The following TULP4 variants were observed in gnomAD, a reference collection of about 807,000 sequenced individuals.
The protein encoded by TULP4 is TUB like protein 4.
Under a neutral mutation model 129.0 loss-of-function variants are expected in TULP4, and 16 were observed. The observed-to-expected ratio is 0.12, with a 90% CI of 0.08 to 0.19. The LOEUF is 0.19. Among genes scored for constraint, TULP4 ranks in the 10% least tolerant of loss-of-function variants. TULP4 has a pLI of 1.00. For missense variants in TULP4, 1,842 were observed against 2,059.1 expected, an observed-to-expected ratio of 0.89 and a Z score of 2.04; for synonymous variants, 998 against 854.0, an observed-to-expected ratio of 1.17 and a Z score of -2.94.
At chr6:158,463,798 A>G (rs1779497419) in intron 6 of TULP4, among the ~76,000 whole-genome samples, 1 of 151,568 alleles carries the variant, frequency 6.6e-6, no homozygotes, top group African/African-American at 2.4e-5. Context: ...CAGGCATTAA[A>G]TATTTAAATA....
chr6:158,239,628 C>T (rs1248962939), intron 1 of TULP4, among the ~76,000 whole-genome samples: 11 of 63,920 alleles, frequency 1.7e-4, no homozygotes, highest in Admixed American at 3.1e-4. Flanking sequence ...GGCGGCTGGC[C>T]GGGTGGGGGG....
At chr6:158,310,667 C>T (rs1232468292), upstream of TULP4, among the ~76,000 whole-genome samples, 1 of 152,100 alleles carries the variant, frequency 6.6e-6, no homozygotes, top group Non-Finnish European at 1.5e-5. Flanking sequence ...CCAGGCCCCA[C>T]CTCTAACACT....
chr6:158,501,475 A>G (rs1562593226), intron 12 of TULP4, among the ~76,000 whole-genome samples: 1 of 152,178 alleles, frequency 6.6e-6, no homozygotes, highest in Non-Finnish European at 1.5e-5. Flanking sequence ...ACCCTTAGCT[A>G]ACAGACAGCA....
chr6:158,328,159 T>TA (rs1286594490), intron 1 of TULP4, among the ~76,000 whole-genome samples: 1 of 148,518 alleles, frequency 6.7e-6, no homozygotes, highest in East Asian at 2.1e-4. Flanking sequence ...TAGACCTAGT[T>TA]ATATGAAAGT....
chr6:158,489,795 G>A (rs1025779791), intron 9 of TULP4, 63 bp downstream of exon 9: 1 of 1,593,130 alleles, frequency 6.3e-7, no homozygotes, highest in Non-Finnish European at 8.6e-7. Context: ...GTTTGTGCCT[G>A]CAACAGAATC....
chr6:158,398,482 C>T (rs976547732), intron 1 of TULP4: 5 of 152,202 alleles, frequency 3.3e-5, no homozygotes, highest in African/African-American at 1.2e-4. Flanking sequence ...AGGAGTGAGC[C>T]CTATGAGGAA....
At chr6:158,381,722 TAAG>T (rs968556586) in intron 1 of TULP4, among the ~76,000 whole-genome samples, 16 of 152,236 alleles carry the variant, frequency 1.1e-4, no homozygotes, top group African/African-American at 3.6e-4. Flanking sequence ...GCTACCTAGC[TAAG>T]AAGACCAATT....
chr6:158,475,173 G>T lies in TULP4; in HGVS notation c.1027-4578G>T, dbSNP rs528867509. Among the ~76,000 whole-genome samples the T allele has an allele frequency of 1.5e-3, 228 of 152,368 alleles. 1 individual carries two copies. Among genetic ancestry groups the T allele is most frequent in the African/African-American group, 5.3e-3 (221 of 41,592 alleles). ...ACACTCCCTGGTGGGAGGTGAGGCA[G>T]GGCTGGCCCGCATCTTTTCCTTTCC... On this transcript the variant is annotated intron_variant, in intron 6 of 13. Transcript: ENST00000367097.
In TULP4 at chr6:158,511,064, G is replaced by A. The variant is rs1348110671; in HGVS notation, c.*4370G>A. 1 of 152,572 alleles carries A rather than the reference G, an allele frequency of 6.6e-6. No individual in the cohort carries two copies. The highest frequency in any genetic ancestry group is 1.5e-5 in the Non-Finnish European group (1 of 68,032). The allele number at this position is 152,572 out of a possible 1,614,324, so 9.5% of individuals were successfully genotyped here. Reference sequence around the variant, plus strand: ...GCATTTGTGTGATTCCTTACCTCTGGCTGATAAAACTCTAATGGGTTGTGG... The same window carrying A: ...GCATTTGTGTGATTCCTTACCTCTGACTGATAAAACTCTAATGGGTTGTGG... On this transcript the variant is annotated 3_prime_UTR_variant, in exon 14 of 14. Coordinates refer to ENST00000367097, the MANE Select transcript of TULP4 (RefSeq NM_020245.5).
intron 3 of TULP4, among the ~76,000 whole-genome samples, chr6:158,439,446 A>G (rs1778831612): frequency 6.6e-6 from 1 of 151,546 alleles, no homozygotes; most frequent in South Asian, 2.1e-4. Flanking sequence ...TTCCTCCCTA[A>G]GCAGTTCTCA....
At chr6:158,425,513 CAA>C (rs35469800) in intron 2 of TULP4, among the ~76,000 whole-genome samples, 692 of 61,792 alleles carry the variant, frequency 0.011, 1 homozygote, top group Non-Finnish European at 0.013. Context: ...AACTCCGTCT[CAA>C]AAAAAAAAAA....
chr6:158,369,930 A>G (rs896009878), intron 1 of TULP4, among the ~76,000 whole-genome samples: 2 of 152,172 alleles, frequency 1.3e-5, no homozygotes, highest in African/African-American at 4.8e-5. Flanking sequence ...GCTCAAGCCT[A>G]TAATTCCAGC....
intron 1 of TULP4, among the ~76,000 whole-genome samples, chr6:158,350,523 G>C (rs1780488223): frequency 6.6e-6 from 1 of 152,184 alleles, no homozygotes; most frequent in Non-Finnish European, 1.5e-5. Context: ...CCAGGAGCTG[G>C]AGACCAGCCC....
chr6:158,444,209 G>C (rs1475154051), intron 3 of TULP4, among the ~76,000 whole-genome samples: 1 of 89,126 alleles, frequency 1.1e-5, no homozygotes, highest in Non-Finnish European at 2.0e-5. Flanking sequence ...GACAGAGCAA[G>C]ACTCTGTCTC....
rs150010498 is a variant in TULP4 at position 158,471,866 on chromosome 6, C to T, written c.1027-7885C>T. Among the ~76,000 whole-genome samples the T allele has an allele frequency of 3.1e-3, 479 of 152,284 alleles. 5 individuals are homozygous for T. The highest frequency in any genetic ancestry group is 0.011 in the African/African-American group (461 of 41,554). ...TTCATCTTTCTGTTGATTGTTTGAACCTGTAGGCTGTGTCACATTTATAAT... is the reference window on the plus strand; with the variant it reads ...TTCATCTTTCTGTTGATTGTTTGAATCTGTAGGCTGTGTCACATTTATAAT... On this transcript the variant is annotated intron_variant, in intron 6 of 13. Coordinates refer to ENST00000367097, the MANE Select transcript of TULP4 (RefSeq NM_020245.5).
At chr6:158,374,482 T>A (rs891373117) in intron 1 of TULP4, among the ~76,000 whole-genome samples, 8 of 152,238 alleles carry the variant, frequency 5.3e-5, no homozygotes, top group African/African-American at 1.9e-4. Context: ...ATGGGCGCTC[T>A]GCCGGATCAG....
intron 1 of TULP4, among the ~76,000 whole-genome samples, chr6:158,367,819 TCAC>T (rs1027246747): frequency 5.3e-5 from 8 of 151,724 alleles, no homozygotes; most frequent in African/African-American, 1.7e-4. Context: ...GGTGGGAAGA[TCAC>T]TGAAGTTCTG....
At position 158,236,795 on chromosome 6, in the gene TULP4, CTTTTTTTTTTTTTTT is replaced by C. The variant is rs71030149; in HGVS notation, n.68+4514_68+4528del. 1.8e-3 allele frequency among the ~76,000 whole-genome samples: 111 copies of C among 63,298 alleles called. 1 individual carries two copies. Among genetic ancestry groups the C allele is most frequent in the Middle Eastern group, 0.011 (1 of 92 alleles). The allele number at this position is 63,298 out of a possible 152,430, so 41.5% of individuals were successfully genotyped here. ...AGATGGGTAAATGCCCAATTCTTTT[CTTTTTTTTTTTTTTT>C]TTTTTTTTTTTTTTTTTTTTTGAGA... On this transcript the variant is annotated intron_variant and non_coding_transcript_variant, in intron 1 of 1. Transcript: ENST00000620026.
intron 6 of TULP4, among the ~76,000 whole-genome samples, chr6:158,473,172 T>C (rs1562581211): frequency 6.6e-6 from 1 of 152,180 alleles, no homozygotes; most frequent in Non-Finnish European, 1.5e-5. Context: ...AGAGATTGCA[T>C]GTGTGATTGT....
Sources: gnomAD v4.1 joint callset for allele counts (sites outside exome capture counted in the v4.1 genomes callset) on GRCh38, gnomAD v4.1.1 for gene constraint, MANE v1.5 for transcripts, NCBI Gene and HGNC (gene_info 2026-07-23, HGNC 2026-07-21) for gene names.